CADPS2: variants seen among roughly 807,000 people sequenced by gnomAD.
CADPS2 encodes calcium-dependent secretion activator 2.
CADPS2 carries 93 observed loss-of-function variants against 172.5 expected under a neutral mutation model. The ratio of observed to expected loss-of-function variants is 0.54; its 90% CI spans 0.46 to 0.64. The LOEUF (loss-of-function observed/expected upper bound fraction) is 0.64, where lower values mean the gene tolerates loss of function less well. Among genes scored for constraint, CADPS2 ranks in the 30% least tolerant of loss-of-function variants. CADPS2 has a pLI of 0.00. For missense variants in CADPS2, 1,420 were observed against 1,565.9 expected, an observed-to-expected ratio of 0.91 and a Z score of 1.57; for synonymous variants, 546 against 555.2, an observed-to-expected ratio of 0.98 and a Z score of 0.23.
At chr7:122,775,836 CA>C (rs1428011263) in intron 1 of CADPS2, among the ~76,000 whole-genome samples, 1 of 152,154 alleles carries the variant, frequency 6.6e-6, no homozygotes, top group African/African-American at 2.4e-5. Flanking sequence ...TTAAGTTTCA[CA>C]ACTTTCTTAG....
intron 1 of CADPS2, among the ~76,000 whole-genome samples, chr7:122,872,130 T>C (rs1313001870): frequency 6.6e-6 from 1 of 152,156 alleles, no homozygotes; most frequent in East Asian, 1.9e-4. Flanking sequence ...TATACCAAGA[T>C]CTGTGGTGGA....
chr7:122,389,172 G>C (rs544441624), intron 22 of CADPS2, among the ~76,000 whole-genome samples: 43 of 151,954 alleles, frequency 2.8e-4, no homozygotes, highest in Non-Finnish European at 5.3e-4. Context: ...TCACCATGGT[G>C]GTTTCTGTCT....
At chr7:122,734,388 A>AAAAAG (rs2091975273) in intron 2 of CADPS2, among the ~76,000 whole-genome samples, 18 of 57,480 alleles carry the variant, frequency 3.1e-4, no homozygotes, top group Non-Finnish European at 4.6e-4. Flanking sequence ...AAAAAAAAAG[A>AAAAAG]AAAAAAAAAA....
At chr7:122,474,617 A>G in intron 12 of CADPS2, 100 bp from the exon 13 acceptor site, 1 of 1,087,946 alleles carries the variant, frequency 9.2e-7, no homozygotes, top group Non-Finnish European at 1.3e-6. Flanking sequence ...CAAGCAGAAG[A>G]CTACCTTTTA....
intron 1 of CADPS2, among the ~76,000 whole-genome samples, chr7:122,837,879 A>C (rs1809035857): frequency 6.6e-6 from 1 of 152,194 alleles, no homozygotes. Context: ...ATTCCTTCTG[A>C]AACTATTCCA....
chr7:122,755,884 G>A (rs1162512889), intron 1 of CADPS2, among the ~76,000 whole-genome samples: 3 of 152,172 alleles, frequency 2.0e-5, no homozygotes, highest in African/African-American at 7.2e-5. Flanking sequence ...AAGAATCTTT[G>A]CGATGTAGAC....
chr7:122,794,009 C>T (rs892586342), intron 1 of CADPS2, among the ~76,000 whole-genome samples: 6 of 152,048 alleles, frequency 3.9e-5, no homozygotes, highest in East Asian at 1.9e-4. Flanking sequence ...GTTAGTCTGA[C>T]GGGCTTCTCT....
intron 6 of CADPS2, among the ~76,000 whole-genome samples, chr7:122,610,647 T>C (rs931028514): frequency 6.6e-6 from 1 of 152,066 alleles, no homozygotes; most frequent in Non-Finnish European, 1.5e-5. Context: ...AATGTATAAA[T>C]TTACTAAAAA....
chr7:122,469,900 CA>C (rs1384863379), intron 14 of CADPS2, among the ~76,000 whole-genome samples: 1 of 151,766 alleles, frequency 6.6e-6, no homozygotes, highest in Non-Finnish European at 1.5e-5. Context: ...TAAGTACAGA[CA>C]AAAAGTTCTT....
At position 122,518,795 on chromosome 7, in the gene CADPS2, T is replaced by C. The variant is rs2060568258; in HGVS notation, c.1476-5480A>G. Among the ~76,000 whole-genome samples, 3 of 152,176 alleles carry C rather than the reference T, an allele frequency of 2.0e-5. No individual in the cohort carries two copies. In the South Asian group the frequency reaches 6.2e-4, roughly 32 times the overall value. On this transcript the variant is annotated intron_variant, in intron 8 of 29. Transcript: ENST00000449022. ...TTTTATGTGACAATTTATGATGTTA[T>C]CCAATAAAATAAGTATCTATCACAC...
chr7:122,835,039 G>C (rs1037979210), intron 1 of CADPS2, among the ~76,000 whole-genome samples: 4 of 152,194 alleles, frequency 2.6e-5, no homozygotes, highest in African/African-American at 7.2e-5. Context: ...CCCCCCAGGA[G>C]GGACAGACAG....
Position 122,737,581 on chromosome 7 carries a change from T to A in CADPS2, c.340-513A>T, listed in dbSNP as rs564346275. On this transcript the variant is annotated intron_variant, in intron 1 of 29. Coordinates refer to ENST00000449022, the MANE Select transcript of CADPS2 (RefSeq NM_017954.11). The stretch of plus-strand genomic sequence containing the variant: ...CTGTAATCCTGATATGGAAGTGGAA[T>A]CCAAATTTCTACCCCAAATTTCCAG... Among the ~76,000 whole-genome samples the A allele has an allele frequency of 9.2e-5, 14 of 152,274 alleles. No homozygotes were observed. The South Asian group carries it at 2.9e-3, about 32-fold the overall frequency.
intron 8 of CADPS2, among the ~76,000 whole-genome samples, chr7:122,514,778 A>G (rs1034251097): frequency 2.0e-5 from 3 of 152,318 alleles, no homozygotes; most frequent in African/African-American, 7.2e-5. Flanking sequence ...TGGCATATCC[A>G]CAGAGAAATA....
At chr7:122,798,872 G>A (rs1358850654) in intron 1 of CADPS2, among the ~76,000 whole-genome samples, 1 of 151,704 alleles carries the variant, frequency 6.6e-6, no homozygotes, top group Non-Finnish European at 1.5e-5. Context: ...GGAGTCAGGA[G>A]GGGAAGAAAT....
chr7:122,789,713 G>A (rs1265918785), intron 1 of CADPS2, among the ~76,000 whole-genome samples: 1 of 152,138 alleles, frequency 6.6e-6, no homozygotes, highest in African/African-American at 2.4e-5. Flanking sequence ...GATGCCAAAA[G>A]GGAAACACTA....
chr7:122,786,183 A>G (rs1321288739), intron 1 of CADPS2, among the ~76,000 whole-genome samples: 1 of 152,214 alleles, frequency 6.6e-6, no homozygotes, highest in African/African-American at 2.4e-5. Context: ...TTTATAATAA[A>G]CATCTAAATA....
chr7:122,565,807 T>C (rs926075633), intron 7 of CADPS2, among the ~76,000 whole-genome samples: 3 of 152,164 alleles, frequency 2.0e-5, no homozygotes, highest in African/African-American at 4.8e-5. Flanking sequence ...TAAGATATAT[T>C]CTCTTAGCAA....
intron 5 of CADPS2, among the ~76,000 whole-genome samples, chr7:122,616,479 G>A (rs917706831): frequency 6.6e-6 from 1 of 151,984 alleles, no homozygotes; most frequent in Non-Finnish European, 1.5e-5. Flanking sequence ...ATGTGTATTT[G>A]TTTTTTGTTA....
intron 2 of CADPS2, among the ~76,000 whole-genome samples, chr7:122,717,563 A>G (rs2089791153): frequency 6.6e-6 from 1 of 152,158 alleles, no homozygotes; most frequent in Non-Finnish European, 1.5e-5. Flanking sequence ...AACTAGATGT[A>G]AATACTCAAA....
Sources: gnomAD v4.1 joint callset for allele counts (sites outside exome capture counted in the v4.1 genomes callset) on GRCh38, gnomAD v4.1.1 for gene constraint, MANE v1.5 for transcripts, NCBI Gene and HGNC (gene_info 2026-07-23, HGNC 2026-07-21) for gene names.